MYO3B: variants seen among roughly 807,000 people sequenced by gnomAD.
The protein encoded by MYO3B is myosin-IIIb.
Under a neutral mutation model 174.6 loss-of-function variants are expected in MYO3B, and 156 were observed. The observed-to-expected ratio is 0.89, with a 90% CI of 0.78 to 1.02. The LOEUF (loss-of-function observed/expected upper bound fraction) is 1.02, where lower values mean the gene tolerates loss of function less well. Among genes scored for constraint, MYO3B ranks in the 50% least tolerant of loss-of-function variants. The pLI, the probability that MYO3B is intolerant of heterozygous loss-of-function variation, is 0.00. For missense variants in MYO3B, 1,632 were observed against 1,639.4 expected, an observed-to-expected ratio of 1.00 and a Z score of 0.08; for synonymous variants, 563 against 569.1, an observed-to-expected ratio of 0.99 and a Z score of 0.15.
intron 32 of MYO3B, among the ~76,000 whole-genome samples, chr2:170,620,750 C>T (rs1338667034): frequency 2.6e-5 from 4 of 152,310 alleles, no homozygotes; most frequent in Admixed American, 6.5e-5. Context: ...CTTTCAGTCT[C>T]GTAACAGGCT....
At chr2:170,537,448 ATTTTTTTTTTT>A (rs559086883) in intron 30 of MYO3B, among the ~76,000 whole-genome samples, 696 of 54,840 alleles carry the variant, frequency 0.013, 12 homozygotes, top group African/African-American at 0.048. Context: ...GAGCTCTTTG[ATTTTTTTTTTT>A]TTTTTTTTTT....
At chr2:170,401,895 A>G (rs1282579286) in intron 18 of MYO3B, among the ~76,000 whole-genome samples, 1 of 149,374 alleles carries the variant, frequency 6.7e-6, no homozygotes, top group Admixed American at 6.8e-5. Context: ...CTCCAACTCC[A>G]GGGTTCAAGT....
chr2:170,284,992 G>A (rs2093543750), intron 7 of MYO3B, among the ~76,000 whole-genome samples: 1 of 152,142 alleles, frequency 6.6e-6, no homozygotes, highest in African/African-American at 2.4e-5. Context: ...CTTTTGAGTT[G>A]CTAAACATCA....
intron 7 of MYO3B, among the ~76,000 whole-genome samples, chr2:170,313,735 C>A (rs2093755264): frequency 1.3e-5 from 2 of 152,164 alleles, no homozygotes; most frequent in African/African-American, 2.4e-5. Context: ...CACCTCTTGG[C>A]CACCCTCTCA....
chr2:170,501,047 C>T (rs1181303445), intron 27 of MYO3B, among the ~76,000 whole-genome samples: 1 of 151,720 alleles, frequency 6.6e-6, no homozygotes, highest in Non-Finnish European at 1.5e-5. Context: ...ACTTCATGAG[C>T]TCACCCAGCA....
At chr2:170,369,453 C>A (rs2094224010) in intron 9 of MYO3B, 76 bp downstream of exon 9, 2 of 1,453,242 alleles carry the variant, frequency 1.4e-6, no homozygotes, top group Admixed American at 4.0e-5. Context: ...ATTTGCCCAG[C>A]ATTATTACTG....
At chr2:170,338,380 T>C (rs1425714737) in intron 8 of MYO3B, among the ~76,000 whole-genome samples, 1 of 152,180 alleles carries the variant, frequency 6.6e-6, no homozygotes, top group Non-Finnish European at 1.5e-5. Flanking sequence ...ATGAGTTGTC[T>C]TTACGGTTTT....
At chr2:170,540,195 A>G (rs1480343067) in intron 30 of MYO3B, among the ~76,000 whole-genome samples, 1 of 152,066 alleles carries the variant, frequency 6.6e-6, no homozygotes, top group East Asian at 1.9e-4. Flanking sequence ...GTGGTAGCAC[A>G]TGCCTGTAGT....
At chr2:170,639,019 G>A (rs1047149685) in intron 32 of MYO3B, among the ~76,000 whole-genome samples, 2 of 152,154 alleles carry the variant, frequency 1.3e-5, no homozygotes, top group Admixed American at 1.3e-4. Context: ...AGGCAGAGCT[G>A]GAGACGAGTG....
intron 32 of MYO3B, among the ~76,000 whole-genome samples, chr2:170,647,134 C>T (rs1224017911): frequency 6.6e-6 from 1 of 152,130 alleles, no homozygotes; most frequent in Non-Finnish European, 1.5e-5. Flanking sequence ...CAATATATAA[C>T]TCATCTCGAA....
intron 9 of MYO3B, among the ~76,000 whole-genome samples, chr2:170,373,498 A>G (rs2094263407): frequency 2.0e-5 from 3 of 152,224 alleles, no homozygotes; most frequent in Non-Finnish European, 4.4e-5. Flanking sequence ...TGCAAAGGTA[A>G]GGAACGTTCA....
chr2:170,382,772 A>G (rs1249026033), intron 10 of MYO3B: 1 of 225,412 alleles, frequency 4.4e-6, no homozygotes. Flanking sequence ...CAACATTTTG[A>G]CTGGTTGAGA....
intron 30 of MYO3B, among the ~76,000 whole-genome samples, chr2:170,542,476 C>T (rs1575140235): frequency 6.6e-6 from 1 of 152,184 alleles, no homozygotes. Flanking sequence ...TTTCAAACTA[C>T]GCCCAACCTA....
At chr2:170,592,193 A>G (rs1693858883) in intron 32 of MYO3B, among the ~76,000 whole-genome samples, 1 of 152,188 alleles carries the variant, frequency 6.6e-6, no homozygotes, top group African/African-American at 2.4e-5. Context: ...CGTATGTGCC[A>G]TTCTGTTGAT....
At chr2:170,217,048 A>AAC (rs58636549) in intron 5 of MYO3B, among the ~76,000 whole-genome samples, 2 of 151,818 alleles carry the variant, frequency 1.3e-5, no homozygotes, top group Non-Finnish European at 2.9e-5. Flanking sequence ...GAAAAAAAAA[A>AAC]CCCAAAATAT....
intron 29 of MYO3B, among the ~76,000 whole-genome samples, chr2:170,518,800 A>G (rs1173644233): frequency 6.6e-6 from 1 of 152,196 alleles, no homozygotes. Flanking sequence ...GTTGGGCCAC[A>G]CTTTGACAAC....
intron 7 of MYO3B, among the ~76,000 whole-genome samples, chr2:170,258,604 A>G (rs2093322581): frequency 6.6e-6 from 1 of 152,208 alleles, no homozygotes; most frequent in Admixed American, 6.5e-5. Flanking sequence ...CCAACATGAT[A>G]CTGAATGGGA....
chr2:170,279,154 G>A (rs1449237392), intron 7 of MYO3B, among the ~76,000 whole-genome samples: 1 of 151,970 alleles, frequency 6.6e-6, no homozygotes, highest in Admixed American at 6.6e-5. Context: ...CTCAGCAGTG[G>A]GATTGCTGGA....
intron 29 of MYO3B, among the ~76,000 whole-genome samples, chr2:170,517,810 C>A (rs1008672520): frequency 6.6e-6 from 1 of 151,794 alleles, no homozygotes; most frequent in African/African-American, 2.4e-5. Flanking sequence ...GATTTAGAAT[C>A]TCCAAGAGGG....
Sources: allele counts gnomAD v4.1 joint callset (sites outside exome capture counted in the v4.1 genomes callset), GRCh38; gene constraint gnomAD v4.1.1; transcripts MANE v1.5; gene names NCBI Gene and HGNC (gene_info 2026-07-23, HGNC 2026-07-21).